Variants in STARD13 observed in about 807,000 individuals in gnomAD.
STARD13 encodes stAR-related lipid transfer protein 13.
Under a neutral mutation model 106.4 loss-of-function variants are expected in STARD13, and 62 were observed. The observed-to-expected ratio is 0.58, with a 90% confidence interval of 0.48 to 0.72. The LOEUF is 0.72. Among genes scored for constraint, STARD13 ranks in the 30% least tolerant of loss-of-function variants. STARD13 has a pLI of 0.00. For synonymous variants in STARD13, 565 were observed against 553.0 expected (o/e 1.02, Z -0.31); for missense variants, 1,387 against 1,424.0 (o/e 0.97, Z 0.42).
chr13:33,545,415 C>T, the STARD13 span, among the ~76,000 whole-genome samples: 1 of 152,126 alleles, frequency 6.6e-6, no homozygotes, highest in Non-Finnish European at 1.5e-5. Flanking sequence ...ATGTTCTTTG[C>T]CTTATTTTAA....
the STARD13 span, among the ~76,000 whole-genome samples, chr13:33,498,336 G>C: frequency 6.6e-6 from 1 of 152,186 alleles, no homozygotes; most frequent in Non-Finnish European, 1.5e-5. Flanking sequence ...ATATGAGTGA[G>C]AGTTAAATAG....
chr13:33,391,324 G>GCAGT, the STARD13 span, among the ~76,000 whole-genome samples: 1 of 152,096 alleles, frequency 6.6e-6, no homozygotes, highest in Non-Finnish European at 1.5e-5. Flanking sequence ...AACATTCACT[G>GCAGT]CATTTACCAA....
chr13:33,475,935 A>T, the STARD13 span, among the ~76,000 whole-genome samples: 2 of 152,282 alleles, frequency 1.3e-5, no homozygotes, highest in South Asian at 4.1e-4. Context: ...CCAGCCTAGC[A>T]ACAGAGCAAG....
At chr13:33,621,633 A>T in the STARD13 span, among the ~76,000 whole-genome samples, 92 of 148,040 alleles carry the variant, frequency 6.2e-4, no homozygotes, top group Admixed American at 1.6e-3. Flanking sequence ...TGAGCCGAGA[A>T]CACGCCATTG....
intron 3 of STARD13, chr13:33,164,545 G>C (rs1003741256): frequency 7.9e-5 from 12 of 152,094 alleles, no homozygotes; most frequent in Non-Finnish European, 1.5e-4. Context: ...CTTCAGCTCT[G>C]ACCTCTCTTC....
rs1050217226 is a variant in STARD13, at chr13:33,110,996, G to A, written c.2608-89C>T. ...AGCAAAGCCATTTCACCCACAACCC[G>A]GCTCTGAGCCACGGGCCGAGGGCCA... On this transcript the variant is annotated intron_variant, in intron 10 of 13. Coordinates refer to ENST00000336934, the MANE Select transcript of STARD13 (RefSeq NM_178006.4). 2.1e-5 allele frequency: 25 copies of A among 1,215,372 alleles called. 1 individual carries two copies. Among genetic ancestry groups the A allele is most frequent in the African/African-American group, 1.1e-4 (7 of 66,614 alleles). 75.3% of individuals were successfully genotyped at this position (1,215,372 alleles called of 1,614,324 possible). A position where few individuals can be genotyped will look rare whatever the true frequency, so the allele number is the denominator to read the frequency against.
At chr13:33,477,493 T>C in the STARD13 span, among the ~76,000 whole-genome samples, 1 of 152,164 alleles carries the variant, frequency 6.6e-6, no homozygotes, top group East Asian at 1.9e-4. Flanking sequence ...GAATGTAAAC[T>C]TAAATTAAAA....
intron 1 of STARD13, among the ~76,000 whole-genome samples, chr13:33,244,530 A>G (rs1190610112): frequency 6.6e-6 from 1 of 151,984 alleles, no homozygotes; most frequent in Non-Finnish European, 1.5e-5. Flanking sequence ...GAGCCCTCAA[A>G]TCTGGGTTTG....
At chr13:33,177,034 C>G (rs1364589327) in intron 1 of STARD13, among the ~76,000 whole-genome samples, 1 of 152,148 alleles carries the variant, frequency 6.6e-6, no homozygotes. Flanking sequence ...AAGTAGGAAA[C>G]AGCAGAAGTA....
the STARD13 span, among the ~76,000 whole-genome samples, chr13:33,667,366 T>C: frequency 1.7e-4 from 26 of 152,336 alleles, no homozygotes; most frequent in African/African-American, 6.0e-4. Flanking sequence ...GAATAGAATG[T>C]CTATATGATT....
At chr13:33,662,707 C>T in the STARD13 span, among the ~76,000 whole-genome samples, 6,944 of 152,202 alleles carry the variant, frequency 0.046, 536 homozygotes, top group African/African-American at 0.16. Flanking sequence ...ATGCACTATA[C>T]CCCCTCTCTA....
intron 1 of STARD13, among the ~76,000 whole-genome samples, chr13:33,322,226 C>T (rs970774658): frequency 3.9e-5 from 6 of 152,190 alleles, no homozygotes; most frequent in Admixed American, 6.5e-5. Context: ...CTTTTCAAAT[C>T]TGATGATGAC....
chr13:33,624,004 T>C, the STARD13 span, among the ~76,000 whole-genome samples: 1 of 152,252 alleles, frequency 6.6e-6, no homozygotes, highest in Admixed American at 6.5e-5. Context: ...AGCTGTCATA[T>C]GTTGTTGAAG....
At chr13:33,162,862 T>C (rs1413454550) in intron 3 of STARD13, among the ~76,000 whole-genome samples, 3 of 152,222 alleles carry the variant, frequency 2.0e-5, no homozygotes, top group Non-Finnish European at 4.4e-5. Flanking sequence ...TTCTGCCTGA[T>C]ACCCAGTTCC....
At chr13:33,557,161 G>GAAT in the STARD13 span, among the ~76,000 whole-genome samples, 1 of 152,060 alleles carries the variant, frequency 6.6e-6, no homozygotes, top group Admixed American at 6.6e-5. Context: ...TAGATTGAAA[G>GAAT]AATATTGTTT....
intron 1 of STARD13, among the ~76,000 whole-genome samples, chr13:33,221,252 C>T (rs1162315343): frequency 4.6e-5 from 7 of 152,170 alleles, no homozygotes; most frequent in African/African-American, 1.7e-4. Flanking sequence ...TTTCCCTATT[C>T]GCCAGCCCCT....
At chr13:33,139,142 C>T (rs1273343603) in intron 4 of STARD13, among the ~76,000 whole-genome samples, 1 of 152,182 alleles carries the variant, frequency 6.6e-6, no homozygotes, top group Admixed American at 6.5e-5. Context: ...AAACAATATA[C>T]ACAGTGAATT....
chr13:33,321,759 T>G (rs1472988444), intron 1 of STARD13, among the ~76,000 whole-genome samples: 1 of 152,172 alleles, frequency 6.6e-6, no homozygotes, highest in Non-Finnish European at 1.5e-5. Context: ...TCAGTCCACA[T>G]TGCTTATTTC....
At chr13:33,413,462 T>C in the STARD13 span, among the ~76,000 whole-genome samples, 1 of 152,008 alleles carries the variant, frequency 6.6e-6, no homozygotes, top group African/African-American at 2.4e-5. Flanking sequence ...AGAAAACCAA[T>C]GAAACAAAGA....
Sources: allele counts gnomAD v4.1 joint callset (sites outside exome capture counted in the v4.1 genomes callset), GRCh38; gene constraint gnomAD v4.1.1; transcripts MANE v1.5; gene names NCBI Gene and HGNC (gene_info 2026-07-23, HGNC 2026-07-21).